RIT2: variants seen among roughly 807,000 people sequenced by gnomAD.
RIT2 encodes GTP-binding protein Rit2.
Under a neutral mutation model 23.7 loss-of-function variants are expected in RIT2, and 24 were observed. The observed-to-expected ratio is 1.01, with a 90% confidence interval of 0.73 to 1.43. The LOEUF (loss-of-function observed/expected upper bound fraction) is 1.43. Ranked by LOEUF, RIT2 falls within the 40% of genes most tolerant of loss-of-function variation. The pLI is 0.00. For missense variants in RIT2, 236 were observed against 266.9 expected (o/e 0.88, Z 0.81); for synonymous variants, 107 against 91.1 (o/e 1.17, Z -0.99).
At chr18:42,876,853 A>T (rs1238218229) in intron 4 of RIT2, among the ~76,000 whole-genome samples, 1 of 151,930 alleles carries the variant, frequency 6.6e-6, no homozygotes, top group East Asian at 1.9e-4. Flanking sequence ...ATCCCATGGT[A>T]TTAAAATATT....
chr18:42,865,189 G>A (rs558503565), intron 4 of RIT2, among the ~76,000 whole-genome samples: 14 of 152,290 alleles, frequency 9.2e-5, no homozygotes, highest in South Asian at 2.1e-4. Flanking sequence ...TCCAATGCAA[G>A]CTGGTCCTAA....
Position 42,758,672 on chromosome 18 carries a change from C to G in RIT2, c.427-14952G>C, listed in dbSNP as rs538759511. Among the ~76,000 whole-genome samples the G allele has an allele frequency of 1.5e-4, 20 of 134,480 alleles. No homozygotes were observed. In the South Asian group the frequency reaches 5.1e-3, roughly 34 times the overall value. 88.2% of individuals were successfully genotyped at this position (134,480 alleles called of 152,430 possible). A position where few individuals can be genotyped will look rare whatever the true frequency, so the allele number is the denominator to read the frequency against. Reference sequence around the variant, plus strand: ...GGGATTACAAGCATGTGCCACTGCACCCGGCTAATTTTTTTTTTTTTTTTG... The same window carrying G: ...GGGATTACAAGCATGTGCCACTGCAGCCGGCTAATTTTTTTTTTTTTTTTG... On this transcript the variant is annotated intron_variant, in intron 4 of 4. Coordinates refer to ENST00000326695, the MANE Select transcript of RIT2 (RefSeq NM_002930.4).
intron 4 of RIT2, among the ~76,000 whole-genome samples, chr18:42,866,632 G>T (rs1598690418): frequency 6.8e-6 from 1 of 147,664 alleles, no homozygotes. Context: ...TTCATCTTGT[G>T]CTGTCAGGAA....
chr18:42,987,436 T>A (rs558754216), intron 2 of RIT2, among the ~76,000 whole-genome samples: 8 of 152,264 alleles, frequency 5.3e-5, no homozygotes, highest in African/African-American at 1.9e-4. Context: ...ACATCCCAAC[T>A]CATCTACAGC....
rs569705696 is a variant in RIT2, at chr18:42,974,175, T to G, written c.161-28A>C. 46 of 1,477,122 alleles carry G rather than the reference T, an allele frequency of 3.1e-5. 1 individual carries two copies. Among genetic ancestry groups the G allele is most frequent in the South Asian group, 2.8e-4 (24 of 86,512 alleles). The allele number at this position is 1,477,122 out of a possible 1,614,324, so 91.5% of individuals were successfully genotyped here. A position where few individuals can be genotyped will look rare whatever the true frequency, so the allele number is the denominator to read the frequency against. On this transcript the variant is annotated intron_variant, in intron 2 of 4. Coordinates refer to ENST00000326695, the MANE Select transcript of RIT2 (RefSeq NM_002930.4). ...GAAAAACACAAGACAACATTTACAT[T>G]TAAATGTGACAGGAAAGGCATTATT... is the stretch of plus-strand genomic sequence containing the variant.
intron 1 of RIT2, among the ~76,000 whole-genome samples, chr18:43,053,454 T>C (rs1234430279): frequency 6.6e-6 from 1 of 152,002 alleles, no homozygotes; most frequent in Admixed American, 6.6e-5. Flanking sequence ...ATATTTCTTA[T>C]GTATAAAATG....
At chr18:43,068,071 C>A (rs1912811317) in intron 1 of RIT2, among the ~76,000 whole-genome samples, 1 of 152,164 alleles carries the variant, frequency 6.6e-6, no homozygotes. Context: ...TGGGTAAATG[C>A]TATGACCTGG....
At chr18:42,938,268 A>C (rs777210986) in intron 3 of RIT2, among the ~76,000 whole-genome samples, 4 of 152,186 alleles carry the variant, frequency 2.6e-5, no homozygotes, top group African/African-American at 9.6e-5. Context: ...GCTTTCAAGG[A>C]ATGGATGCAG....
intron 4 of RIT2, among the ~76,000 whole-genome samples, chr18:42,872,942 T>A (rs495065): frequency 0.017 from 2,642 of 152,276 alleles, 98 homozygotes; most frequent in African/African-American, 0.06. Context: ...TATAGATGTA[T>A]AACAATGAGT....
At chr18:42,947,514 T>A (rs1909755376) in intron 3 of RIT2, among the ~76,000 whole-genome samples, 1 of 152,122 alleles carries the variant, frequency 6.6e-6, no homozygotes, top group Non-Finnish European at 1.5e-5. Context: ...CGCCATTTCA[T>A]GTCTCTGATT....
chr18:43,012,073 TAAG>T (rs1457235184), intron 2 of RIT2, among the ~76,000 whole-genome samples: 1 of 151,800 alleles, frequency 6.6e-6, no homozygotes, highest in Non-Finnish European at 1.5e-5. Context: ...AGGACAGCAT[TAAG>T]AAGAGTTCAG....
chr18:43,061,204 C>A (rs1912636700), intron 1 of RIT2, among the ~76,000 whole-genome samples: 1 of 152,216 alleles, frequency 6.6e-6, no homozygotes, highest in Middle Eastern at 3.4e-3. Flanking sequence ...TTTATTGGCT[C>A]TCTAAGACAT....
At chr18:42,786,412 A>T (rs1221741257) in intron 4 of RIT2, among the ~76,000 whole-genome samples, 1 of 152,232 alleles carries the variant, frequency 6.6e-6, no homozygotes, top group Admixed American at 6.5e-5. Flanking sequence ...ATAATTTTAC[A>T]TCACTACCAT....
At chr18:42,770,909 C>G (rs888374676) in intron 4 of RIT2, among the ~76,000 whole-genome samples, 1 of 152,008 alleles carries the variant, frequency 6.6e-6, no homozygotes, top group African/African-American at 2.4e-5. Flanking sequence ...ATTTTCAAAG[C>G]AAAACATAAA....
intron 1 of RIT2, among the ~76,000 whole-genome samples, chr18:43,097,544 A>T (rs1913583182): frequency 6.6e-6 from 1 of 151,914 alleles, no homozygotes; most frequent in Non-Finnish European, 1.5e-5. Flanking sequence ...AGAGTAGGAT[A>T]TCTTATGCAA....
intron 1 of RIT2, among the ~76,000 whole-genome samples, chr18:43,106,623 T>A (rs916754197): frequency 6.6e-6 from 1 of 152,122 alleles, no homozygotes; most frequent in Non-Finnish European, 1.5e-5. Flanking sequence ...GAGGCCCCAG[T>A]CCCCCACTCC....
intron 1 of RIT2, among the ~76,000 whole-genome samples, chr18:43,038,407 A>T (rs1007439721): frequency 2.0e-5 from 3 of 150,380 alleles, no homozygotes; most frequent in African/African-American, 4.9e-5. Flanking sequence ...CATTTCTACC[A>T]CATTTTCTCT....
intron 1 of RIT2, among the ~76,000 whole-genome samples, chr18:43,101,559 G>A (rs931335196): frequency 9.9e-5 from 15 of 152,102 alleles, no homozygotes; most frequent in Admixed American, 9.2e-4. Context: ...AGAAGAGGAA[G>A]AATCAGCAAA....
At chr18:42,928,483 T>C (rs1239618201) in intron 3 of RIT2, among the ~76,000 whole-genome samples, 1 of 152,082 alleles carries the variant, frequency 6.6e-6, no homozygotes, top group Non-Finnish European at 1.5e-5. Flanking sequence ...TAGTACAAAT[T>C]CATCATTTGC....
Sources: allele counts gnomAD v4.1 joint callset (sites outside exome capture counted in the v4.1 genomes callset), GRCh38; gene constraint gnomAD v4.1.1; transcripts MANE v1.5; gene names NCBI Gene and HGNC (gene_info 2026-07-23, HGNC 2026-07-21).